Variants in XRCC2 observed in about 807,000 individuals in gnomAD.
XRCC2 encodes DNA repair protein XRCC2.
A neutral mutation model predicts 27.3 loss-of-function variants in XRCC2; 24 were observed. The ratio of observed to expected loss-of-function variants is 0.88; its 90% CI spans 0.64 to 1.24. The LOEUF (loss-of-function observed/expected upper bound fraction) is 1.24, where lower values mean the gene tolerates loss of function less well. Ranked by LOEUF, XRCC2 falls within the 50% of genes most tolerant of loss-of-function variation. The probability of loss-of-function intolerance (pLI) is 0.00; values close to 1 mark genes in which losing one functional copy is unlikely to be tolerated. For synonymous variants in XRCC2, 106 were observed against 115.4 expected (o/e 0.92, Z 0.52); for missense variants, 321 against 325.8 (o/e 0.99, Z 0.11).
intron 2 of XRCC2, among the ~76,000 whole-genome samples, chr7:152,650,491 T>C (rs1378752535): frequency 6.6e-6 from 1 of 152,226 alleles, no homozygotes; most frequent in Non-Finnish European, 1.5e-5. Context: ...GCACTCACAG[T>C]GGCATTCAAC....
chr7:152,649,387 G>T, intron 2 of XRCC2, 24 bp from the exon 3 acceptor site: 1 of 1,533,298 alleles, frequency 6.5e-7, no homozygotes. Context: ...AAAAATCTCA[G>T]TCAAAATGCA....
rs1188428353 is a variant in XRCC2, at chr7:152,647,516, T to C, written c.*1126A>G. ...GTACTGCCTGGGTTGTCTTCCAGGA[T>C]TTTTACTGTTTTGGGTTTTACATTA... On this transcript the variant is annotated 3_prime_UTR_variant, in exon 3 of 3. Transcript: ENST00000359321. 2 of 150,454 alleles carry C rather than the reference T, an allele frequency of 1.3e-5. No individual in the cohort carries two copies. The highest frequency in any genetic ancestry group is 2.9e-5 in the Non-Finnish European group (2 of 68,026). The allele number at this position is 150,454 out of a possible 1,614,324, so 9.3% of individuals were successfully genotyped here.
At position 152,660,706 on chromosome 7, in the gene XRCC2, A is replaced by C; in HGVS notation, c.116T>G (p.Val39Gly). The part of the protein sequence containing the change: ...PNLFADEDSP[V>G]HGDILEFHGP... The stretch of plus-strand genomic sequence containing the variant: ...ATAAAGGTTGTATTTTTTACCATGC[A>C]CAGGTGAATCTTCATCAGCAAACAG... The change falls in exon 2 of 3, where the codon GTG (valine) becomes GGG (glycine). Residue 39 changes from valine (V) to glycine (G), a missense_variant. Physicochemically the swap from Val to Gly is moderately radical, Grantham distance 109. Transcript: ENST00000359321. 6.2e-7 allele frequency: 1 copy of C among 1,610,040 alleles called. No individual in the cohort carries two copies. Among genetic ancestry groups the C allele is most frequent in the Non-Finnish European group, 8.5e-7 (1 of 1,179,014 alleles).
At chr7:152,661,042 T>C (rs1254003139) in intron 1 of XRCC2, among the ~76,000 whole-genome samples, 1 of 152,144 alleles carries the variant, frequency 6.6e-6, no homozygotes, top group Non-Finnish European at 1.5e-5. Context: ...GCACACACTG[T>C]AATCCCAGCT....
At chr7:152,660,840 C>T (rs2098032808) in intron 1 of XRCC2, 58 bp from the exon 2 acceptor site, 1 of 1,406,900 alleles carries the variant, frequency 7.1e-7, no homozygotes, top group Admixed American at 2.0e-5. Context: ...TCCTAGACAT[C>T]TATATTTATA....
At chr7:152,660,864 G>T (rs2098032818) in intron 1 of XRCC2, 82 bp from the exon 2 acceptor site, 1 of 1,240,422 alleles carries the variant, frequency 8.1e-7, no homozygotes, top group African/African-American at 1.5e-5. Flanking sequence ...TTTTCCGAAA[G>T]TCTGTAAGAT....
intron 1 of XRCC2, among the ~76,000 whole-genome samples, chr7:152,666,430 T>G (rs188460276): frequency 1.6e-3 from 243 of 152,206 alleles, no homozygotes; most frequent in African/African-American, 5.5e-3. Flanking sequence ...CAGGCTGGTC[T>G]CGAACTCCTG....
intron 2 of XRCC2, among the ~76,000 whole-genome samples, chr7:152,653,554 G>A (rs1262928761): frequency 6.6e-6 from 1 of 152,010 alleles, no homozygotes; most frequent in Non-Finnish European, 1.5e-5. Flanking sequence ...CCGCCTCCCA[G>A]GCTCAAGCCA....
chr7:152,664,256 GTTC>G (rs2098034642), intron 1 of XRCC2, among the ~76,000 whole-genome samples: 2 of 152,132 alleles, frequency 1.3e-5, no homozygotes, highest in African/African-American at 2.4e-5. Context: ...TGAGTTCTGA[GTTC>G]TTCTAGAGAC....
At chr7:152,649,933 A>G (rs573463429) in intron 2 of XRCC2, among the ~76,000 whole-genome samples, 1 of 152,232 alleles carries the variant, frequency 6.6e-6, no homozygotes, top group East Asian at 1.9e-4. Flanking sequence ...GGAAGCAGTG[A>G]GGATGAAACC....
rs1003449479 is a variant in XRCC2 at position 152,647,021 on chromosome 7, C to T, written c.*1621G>A. 2 of 152,130 alleles carry T rather than the reference C, an allele frequency of 1.3e-5. No homozygotes were observed. The highest frequency in any genetic ancestry group is 2.9e-5 in the Non-Finnish European group (2 of 68,030). 9.4% of individuals were successfully genotyped at this position (152,130 alleles called of 1,614,324 possible). A position where few individuals can be genotyped will look rare whatever the true frequency, so the allele number is the denominator to read the frequency against. On this transcript the variant is annotated 3_prime_UTR_variant, in exon 3 of 3. Coordinates refer to ENST00000359321, the MANE Select transcript of XRCC2 (RefSeq NM_005431.2). ...GAACTAATTTAATTTACATTTCCAC[C>T]AACAGTGTATAAGCATATCTTTTTC...
chr7:152,655,352 G>A (rs1363249586), intron 2 of XRCC2, among the ~76,000 whole-genome samples: 3 of 152,182 alleles, frequency 2.0e-5, no homozygotes, highest in Admixed American at 6.6e-5. Context: ...AATCATTATA[G>A]AAGTAAAGAA....
At chr7:152,668,496 C>G (rs111963155) in intron 1 of XRCC2, among the ~76,000 whole-genome samples, 1 of 152,104 alleles carries the variant, frequency 6.6e-6, no homozygotes, top group Non-Finnish European at 1.5e-5. Context: ...GTATGGTCAA[C>G]CTGCAGTTTC....
At chr7:152,659,014 A>G (rs1438284410) in intron 2 of XRCC2, among the ~76,000 whole-genome samples, 7 of 152,334 alleles carry the variant, frequency 4.6e-5, no homozygotes, top group South Asian at 2.1e-4. Flanking sequence ...ATCATATGGT[A>G]GCTCTATTTT....
Position 152,671,905 on chromosome 7 carries a change from G to A in XRCC2, c.39+4136C>T, listed in dbSNP as rs1447035789. 5.6e-4 allele frequency among the ~76,000 whole-genome samples: 85 copies of A among 152,136 alleles called. 1 individual carries two copies. The highest frequency in any genetic ancestry group is 5.9e-5 in the Non-Finnish European group (4 of 68,046). On this transcript the variant is annotated intron_variant, in intron 1 of 2. Transcript: ENST00000359321. ...AAAATACAAAAATTAGCCAGGCGTA[G>A]TGGTGTGTCCCTTTAGTCCCAGCTA...
At chr7:152,665,536 A>T (rs1004741436) in intron 1 of XRCC2, among the ~76,000 whole-genome samples, 3 of 122,612 alleles carry the variant, frequency 2.4e-5, no homozygotes, top group Non-Finnish European at 4.8e-5. Flanking sequence ...CCCGTCACCC[A>T]GGTTGGAGTA....
At chr7:152,675,952 G>A in intron 1 of XRCC2, 89 bp downstream of exon 1, 6 of 1,571,710 alleles carry the variant, frequency 3.8e-6, no homozygotes, top group Non-Finnish European at 5.2e-6. Flanking sequence ...GCCGCCCCAA[G>A]CCTCCCAATC....
chr7:152,656,010 T>C (rs1409873592), intron 2 of XRCC2, among the ~76,000 whole-genome samples: 2 of 151,720 alleles, frequency 1.3e-5, no homozygotes, highest in African/African-American at 4.8e-5. Context: ...AAATAAATGT[T>C]TGGATGAGAA....
chr7:152,657,956 C>CTTTGTTTTTTT (rs138813490), intron 2 of XRCC2, among the ~76,000 whole-genome samples: 115 of 136,542 alleles, frequency 8.4e-4, no homozygotes, highest in Admixed American at 2.5e-3. Flanking sequence ...AACTTTTTGT[C>CTTTGTTTTTTT]TTTGTTTTTT....
Sources: gnomAD v4.1 joint callset for allele counts (sites outside exome capture counted in the v4.1 genomes callset) on GRCh38, gnomAD v4.1.1 for gene constraint, MANE v1.5 for transcripts, NCBI Gene and HGNC (gene_info 2026-07-23, HGNC 2026-07-21) for gene names.